Variants in TBC1D5 observed in about 807,000 individuals in gnomAD.
TBC1D5 encodes the protein TBC1 domain family member 5, also known as TBC1 domain family, member 5.
A neutral mutation model predicts 100.3 loss-of-function variants in TBC1D5; 75 were observed. That is an observed-to-expected ratio of 0.75 (90% CI 0.62 to 0.91). The LOEUF is 0.91. Ranked by LOEUF, TBC1D5 falls within the 40% of genes least tolerant of loss-of-function variation. The probability of loss-of-function intolerance (pLI) is 0.00; values close to 1 mark genes in which losing one functional copy is unlikely to be tolerated. For missense variants in TBC1D5, 910 were observed against 942.4 expected (o/e 0.97, Z 0.45); for synonymous variants, 323 against 325.6 (o/e 0.99, Z 0.09).
intron 1 of TBC1D5, among the ~76,000 whole-genome samples, chr3:17,730,084 C>A (rs2076434728): frequency 6.6e-6 from 1 of 151,550 alleles, no homozygotes; most frequent in Non-Finnish European, 1.5e-5. Flanking sequence ...GCACTCCAGC[C>A]TAGGGGACAA....
chr3:17,550,840 G>A (rs2096466224), intron 2 of TBC1D5, among the ~76,000 whole-genome samples: 2 of 151,966 alleles, frequency 1.3e-5, no homozygotes, highest in Admixed American at 1.3e-4. Flanking sequence ...TCAATAAACT[G>A]TCATCACCCT....
chr3:17,430,824 T>C (rs2094435638), intron 3 of TBC1D5, among the ~76,000 whole-genome samples: 1 of 151,936 alleles, frequency 6.6e-6, no homozygotes, highest in African/African-American at 2.4e-5. Context: ...GAATCTGTAA[T>C]TCTGTAAAAT....
At chr3:17,256,768 A>G (rs1257734108) in intron 16 of TBC1D5, among the ~76,000 whole-genome samples, 1 of 152,204 alleles carries the variant, frequency 6.6e-6, no homozygotes, top group Non-Finnish European at 1.5e-5. Context: ...TAAATACACA[A>G]ATGAATTATA....
intron 13 of TBC1D5, among the ~76,000 whole-genome samples, chr3:17,369,885 TA>T (rs1559737362): frequency 6.6e-6 from 1 of 152,094 alleles, no homozygotes; most frequent in Non-Finnish European, 1.5e-5. Flanking sequence ...CTTCAAAGAT[TA>T]AAAAATACAT....
chr3:17,608,937 C>G (rs1271424705), intron 2 of TBC1D5, among the ~76,000 whole-genome samples: 1 of 152,186 alleles, frequency 6.6e-6, no homozygotes, highest in Admixed American at 6.5e-5. Context: ...TGCCAACTCC[C>G]CACCCAGCTC....
At chr3:17,662,065 T>G (rs2066716590) in intron 1 of TBC1D5, among the ~76,000 whole-genome samples, 1 of 152,118 alleles carries the variant, frequency 6.6e-6, no homozygotes, top group Non-Finnish European at 1.5e-5. Context: ...AATTTTTAAA[T>G]TTTTTGTAGA....
intron 1 of TBC1D5, among the ~76,000 whole-genome samples, chr3:17,645,763 T>A (rs1425668449): frequency 6.6e-6 from 1 of 152,098 alleles, no homozygotes; most frequent in African/African-American, 2.4e-5. Flanking sequence ...AAATTCAGCA[T>A]GCTTACAATG....
At chr3:17,310,588 AC>A (rs1246167610) in intron 13 of TBC1D5, among the ~76,000 whole-genome samples, 1 of 152,032 alleles carries the variant, frequency 6.6e-6, no homozygotes, top group African/African-American at 2.4e-5. Context: ...ACTCTTGTTA[AC>A]CCCACTGTAA....
intron 2 of TBC1D5, among the ~76,000 whole-genome samples, chr3:17,618,928 G>A (rs1401859174): frequency 1.3e-5 from 2 of 152,160 alleles, no homozygotes; most frequent in African/African-American, 4.8e-5. Flanking sequence ...ACCAGTCCCA[G>A]TGAGATGAAC....
chr3:17,240,171 C>T (rs2076193438), intron 16 of TBC1D5, among the ~76,000 whole-genome samples: 1 of 152,130 alleles, frequency 6.6e-6, no homozygotes, highest in African/African-American at 2.4e-5. Flanking sequence ...AGACTTCTAC[C>T]TTCCATAAAG....
intron 15 of TBC1D5, among the ~76,000 whole-genome samples, chr3:17,273,722 G>A (rs956333970): frequency 1.3e-5 from 2 of 150,732 alleles, no homozygotes; most frequent in Non-Finnish European, 1.5e-5. Flanking sequence ...CAGGAGCATC[G>A]CTTGAACCCG....
At chr3:17,235,998 G>T (rs1445879940) in intron 17 of TBC1D5, among the ~76,000 whole-genome samples, 1 of 151,944 alleles carries the variant, frequency 6.6e-6, no homozygotes, top group Non-Finnish European at 1.5e-5. Context: ...TTCAGCACAG[G>T]GATCAGTTAA....
intron 1 of TBC1D5, among the ~76,000 whole-genome samples, chr3:17,649,824 C>T (rs1489047103): frequency 6.6e-6 from 1 of 152,186 alleles, no homozygotes; most frequent in Non-Finnish European, 1.5e-5. Flanking sequence ...AATCATTCTA[C>T]TATAAAGACA....
At chr3:17,168,550 A>G (rs2066868715) in intron 19 of TBC1D5, among the ~76,000 whole-genome samples, 1 of 152,148 alleles carries the variant, frequency 6.6e-6, no homozygotes. Context: ...ATGTGCCTGC[A>G]GGATGCACAC....
intron 15 of TBC1D5, among the ~76,000 whole-genome samples, chr3:17,273,824 A>AT (rs946377486): frequency 6.6e-6 from 1 of 151,676 alleles, no homozygotes; most frequent in Non-Finnish European, 1.5e-5. Context: ...AAAAAAAAAA[A>AT]AAAATTGCTA....
chr3:17,603,138 ATTCT>A (rs935406119), intron 2 of TBC1D5, among the ~76,000 whole-genome samples: 3 of 149,692 alleles, frequency 2.0e-5, no homozygotes, highest in Admixed American at 6.6e-5. Context: ...TTCCAAAAAG[ATTCT>A]TTAAGTTTTT....
intron 18 of TBC1D5, among the ~76,000 whole-genome samples, chr3:17,205,186 A>G (rs2071995307): frequency 6.6e-6 from 1 of 152,222 alleles, no homozygotes; most frequent in South Asian, 2.1e-4. Context: ...ATTTTATTCC[A>G]GTTATCATTA....
chr3:17,471,872 C>T (rs951444799), intron 3 of TBC1D5, among the ~76,000 whole-genome samples: 6 of 152,020 alleles, frequency 3.9e-5, no homozygotes, highest in African/African-American at 1.2e-4. Flanking sequence ...TTCCTTTCTA[C>T]GACAGAGATA....
intron 19 of TBC1D5, among the ~76,000 whole-genome samples, chr3:17,184,279 C>T (rs907523451): frequency 6.6e-6 from 1 of 152,128 alleles, no homozygotes; most frequent in Non-Finnish European, 1.5e-5. Flanking sequence ...AATATAAGCA[C>T]AGTCAGAAGT....
Sources: allele counts gnomAD v4.1 joint callset (sites outside exome capture counted in the v4.1 genomes callset), GRCh38; gene constraint gnomAD v4.1.1; transcripts MANE v1.5; gene names NCBI Gene and HGNC (gene_info 2026-07-23, HGNC 2026-07-21).